PHACTR2: variants seen among roughly 807,000 people sequenced by gnomAD.
The protein encoded by PHACTR2 is chromosome 6 open reading frame 56.
A neutral mutation model predicts 76.0 loss-of-function variants in PHACTR2; 30 were observed. That is an observed-to-expected ratio of 0.39 (90% CI 0.30 to 0.54). PHACTR2 has a LOEUF of 0.54. Among genes scored for constraint, PHACTR2 ranks in the 20% least tolerant of loss-of-function variants. The pLI is 0.61. For missense variants in PHACTR2, 696 were observed against 781.1 expected, an observed-to-expected ratio of 0.89 and a Z score of 1.30; for synonymous variants, 292 against 292.5, an observed-to-expected ratio of 1.00 and a Z score of 0.02.
intron 1 of PHACTR2, among the ~76,000 whole-genome samples, chr6:143,644,133 A>G (rs1453010953): frequency 6.6e-6 from 1 of 152,214 alleles, no homozygotes; most frequent in Non-Finnish European, 1.5e-5. Context: ...AAGGCAAGCT[A>G]TTATATAATC....
In PHACTR2 at chr6:143,585,459, G is replaced by C. The variant is rs938828445; in HGVS notation, c.217+48252G>C. Among the ~76,000 whole-genome samples, 3 of 152,190 alleles carry C rather than the reference G, an allele frequency of 2.0e-5. No homozygotes were observed. The highest frequency in any genetic ancestry group is 7.2e-5 in the African/African-American group (3 of 41,444). On this transcript the variant is annotated intron_variant, in intron 1 of 11. Transcript: ENST00000367584. This position sits in a 1 kb window ranked among gnomAD's most constrained non-coding sequence, Gnocchi z 5.2. ...CAACACATTGGAACTAGGAAACCAG[G>C]TTTGCAGTTAACCTAGGGCTTCAGG...
rs1461434091 is a variant in PHACTR2 at position 143,554,199 on chromosome 6, G to C, written c.217+16992G>C. ...GGCTATGGTGTCTGCTTCTTCTCAG[G>C]AAGGGACAGTAACTAGCCAATTGAT... is the stretch of plus-strand genomic sequence containing the variant. On this transcript the variant is annotated intron_variant, in intron 1 of 11. Coordinates refer to the PHACTR2 transcript ENST00000367584. This position sits in a 1 kb window ranked among gnomAD's most constrained non-coding sequence, Gnocchi z 5.9. The C allele has an allele frequency of 3.3e-5, 5 of 152,174 alleles. No homozygotes were observed. The highest frequency in any genetic ancestry group is 1.2e-4 in the African/African-American group (5 of 41,434). The allele number at this position is 152,174 out of a possible 1,614,324, so 9.4% of individuals were successfully genotyped here. A position where few individuals can be genotyped will look rare whatever the true frequency, so the allele number is the denominator to read the frequency against.
Position 143,754,022 on chromosome 6 carries a change from G to A in PHACTR2, c.454+110G>A, listed in dbSNP as rs73587105. 479 of 568,264 alleles carry A rather than the reference G, an allele frequency of 8.4e-4. 2 individuals carry two copies. The African/African-American group carries it at 8.7e-3, about 10-fold the overall frequency. 35.2% of individuals were successfully genotyped at this position (568,264 alleles called of 1,614,324 possible). On this transcript the variant is annotated intron_variant, in intron 4 of 12. Transcript: ENST00000440869. This position sits in a 1 kb window ranked among gnomAD's most constrained non-coding sequence, Gnocchi z 6.2. Reference sequence around the variant, plus strand: ...TAAAACCAGCAGTCTGCAGAGGAGAGGTTTACAAATAGAAAAAAGAAAGAA... The same window carrying A: ...TAAAACCAGCAGTCTGCAGAGGAGAAGTTTACAAATAGAAAAAAGAAAGAA...
At chr6:143,763,121 G>A (rs1164726539) in intron 5 of PHACTR2, among the ~76,000 whole-genome samples, 1 of 152,152 alleles carries the variant, frequency 6.6e-6, no homozygotes, top group East Asian at 1.9e-4. Flanking sequence ...CACTTTGGGA[G>A]GCCGAGGCAG....
chr6:143,769,978 T>C (rs1429843941), intron 6 of PHACTR2, among the ~76,000 whole-genome samples: 1 of 152,206 alleles, frequency 6.6e-6, no homozygotes, highest in East Asian at 1.9e-4. Flanking sequence ...AGAATTACCA[T>C]GTGATCCAGC....
rs941335096 is a variant in PHACTR2 at position 143,695,381 on chromosome 6, T to C, written c.47-16635T>C. Among the ~76,000 whole-genome samples the C allele has an allele frequency of 1.3e-5, 2 of 152,244 alleles. No homozygotes were observed. Among genetic ancestry groups the C allele is most frequent in the African/African-American group, 4.8e-5 (2 of 41,468 alleles). Reference sequence around the variant, plus strand: ...AGGAAGGTTAAAAGTCATAGAATATTGGTGTTCTTCCAAGTTGAGAACAGA... The same window carrying C: ...AGGAAGGTTAAAAGTCATAGAATATCGGTGTTCTTCCAAGTTGAGAACAGA... On this transcript the variant is annotated intron_variant, in intron 1 of 12. Coordinates refer to ENST00000440869, the MANE Select transcript of PHACTR2 (RefSeq NM_001100164.2). The surrounding 1 kb of genome is among the most constrained non-coding windows in gnomAD (Gnocchi z 4.4).
rs911750637 is a variant in PHACTR2 at position 143,562,690 on chromosome 6, A to G, written c.217+25483A>G. On this transcript the variant is annotated intron_variant, in intron 1 of 11. Coordinates refer to the PHACTR2 transcript ENST00000367584. The surrounding 1 kb of genome is among the most constrained non-coding windows in gnomAD (Gnocchi z 5.1). ...TGCCACAGACTCTCATTGTGAAAGAAAAAAGCACATTAAAGAACATATCTA... is the reference window on the plus strand; with the variant it reads ...TGCCACAGACTCTCATTGTGAAAGAGAAAAGCACATTAAAGAACATATCTA... Among the ~76,000 whole-genome samples the G allele has an allele frequency of 7.9e-5, 12 of 152,224 alleles. No homozygotes were observed. The highest frequency in any genetic ancestry group is 2.7e-4 in the African/African-American group (11 of 41,456).
intron 1 of PHACTR2, among the ~76,000 whole-genome samples, chr6:143,626,233 G>C (rs1347182051): frequency 6.6e-6 from 1 of 151,986 alleles, no homozygotes; most frequent in Admixed American, 6.6e-5. Flanking sequence ...GGCCCAAATT[G>C]GTTTAAAATT....
chr6:143,667,277 G>A (rs568817969), intron 1 of PHACTR2, among the ~76,000 whole-genome samples: 1 of 152,304 alleles, frequency 6.6e-6, no homozygotes, highest in East Asian at 1.9e-4. Flanking sequence ...TTTGGTTACT[G>A]TAGCCTTGTA....
Position 143,789,937 on chromosome 6 carries a change from T to A in PHACTR2, c.1845+1027T>A, listed in dbSNP as rs1305808936. 6.6e-6 allele frequency among the ~76,000 whole-genome samples: 1 copy of A among 152,110 alleles called. No individual in the cohort carries two copies. Among genetic ancestry groups the A allele is most frequent in the Non-Finnish European group, 1.5e-5 (1 of 68,020 alleles). On this transcript the variant is annotated intron_variant, in intron 11 of 12. Coordinates refer to ENST00000440869, the MANE Select transcript of PHACTR2 (RefSeq NM_001100164.2). This position sits in a 1 kb window ranked among gnomAD's most constrained non-coding sequence, Gnocchi z 5.1. ...GAGGCTGAGAAAAGCACTCCAGGGATGTTTTAGGAAGAAGCAGCAGAAGAA... is the reference window on the plus strand; with the variant it reads ...GAGGCTGAGAAAAGCACTCCAGGGAAGTTTTAGGAAGAAGCAGCAGAAGAA...
At chr6:143,638,332 G>A (rs1173420286) in intron 1 of PHACTR2, among the ~76,000 whole-genome samples, 1 of 152,032 alleles carries the variant, frequency 6.6e-6, no homozygotes, top group Non-Finnish European at 1.5e-5. Context: ...TTTAGGCCAG[G>A]AGTTTGAAAC....
At chr6:143,582,014 C>T (rs1351722448) in intron 1 of PHACTR2, among the ~76,000 whole-genome samples, 9 of 152,052 alleles carry the variant, frequency 5.9e-5, no homozygotes, top group East Asian at 1.9e-4. Context: ...AAGGCTGTAC[C>T]GTCAATATGA....
Position 143,755,477 on chromosome 6 carries a change from AGTTCCTG to A in PHACTR2, c.454+1566_454+1572del. 1 of 394,772 alleles carries A rather than the reference AGTTCCTG, an allele frequency of 2.5e-6. No individual in the cohort carries two copies. The highest frequency in any genetic ancestry group is 5.0e-6 in the Non-Finnish European group (1 of 198,140). The allele number at this position is 394,772 out of a possible 1,614,324, so 24.5% of individuals were successfully genotyped here. A position where few individuals can be genotyped will look rare whatever the true frequency, so the allele number is the denominator to read the frequency against. On this transcript the variant is annotated intron_variant, in intron 4 of 12. Transcript: ENST00000440869. This position sits in a 1 kb window ranked among gnomAD's most constrained non-coding sequence, Gnocchi z 5.2. ...TGTTTCCCTTATCAACATAATAAAA[AGTTCCTG>A]ACAGTTTTATATGAATTAACCAACA... is the stretch of plus-strand genomic sequence containing the variant.
chr6:143,711,271 C>T (rs1049514237), intron 1 of PHACTR2, among the ~76,000 whole-genome samples: 1 of 152,184 alleles, frequency 6.6e-6, no homozygotes, highest in African/African-American at 2.4e-5. Context: ...TTCTGGCCTG[C>T]TTCCAGTTCT....
rs1211260360 is a variant in PHACTR2, at chr6:143,803,173, C to A, written c.1846-3884C>A. Among the ~76,000 whole-genome samples, 1 of 152,186 alleles carries A rather than the reference C, an allele frequency of 6.6e-6. No individual in the cohort carries two copies. The highest frequency in any genetic ancestry group is 2.1e-4 in the South Asian group (1 of 4,830). On this transcript the variant is annotated intron_variant, in intron 11 of 12. Transcript: ENST00000440869. The surrounding 1 kb of genome is among the most constrained non-coding windows in gnomAD (Gnocchi z 4.7). ...TCATCCTGTTTAGAGAAAGAAAGTG[C>A]ACCTCGCTGCCAGTGCTGATTTAAT...
At chr6:143,566,842 AC>A in intron 1 of PHACTR2, among the ~76,000 whole-genome samples, 1 of 151,700 alleles carries the variant, frequency 6.6e-6, no homozygotes, top group East Asian at 1.9e-4. Flanking sequence ...AAAAAAAAAA[AC>A]CCCACAATGC....
At position 143,619,331 on chromosome 6, in the gene PHACTR2, T is replaced by A. The variant is rs1291700184; in HGVS notation, c.13+11009T>A. Among the ~76,000 whole-genome samples the A allele has an allele frequency of 6.6e-6, 1 of 152,228 alleles. No homozygotes were observed. The highest frequency in any genetic ancestry group is 2.4e-5 in the African/African-American group (1 of 41,466). ...AGAAATGCTTCACAGATGATTCCTC[T>A]ACGCCCTGGTGAGACCCATTATCGG... is the stretch of plus-strand genomic sequence containing the variant. On this transcript the variant is annotated intron_variant, in intron 1 of 11. Transcript: ENST00000305766. This position sits in a 1 kb window ranked among gnomAD's most constrained non-coding sequence, Gnocchi z 4.5.
At position 143,586,079 on chromosome 6, in the gene PHACTR2, A is replaced by G. The variant is rs139089139; in HGVS notation, c.217+48872A>G. On this transcript the variant is annotated intron_variant, in intron 1 of 11. Coordinates refer to the PHACTR2 transcript ENST00000367584. Reference sequence around the variant, plus strand: ...TTTTTCTGGTGGTAATTAGCTAGGAAGTTCAGCTAATTACCACTCCTGGTC... The same window carrying G: ...TTTTTCTGGTGGTAATTAGCTAGGAGGTTCAGCTAATTACCACTCCTGGTC... Among the ~76,000 whole-genome samples the G allele has an allele frequency of 4.1e-3, 625 of 152,300 alleles. 8 individuals carry two copies. Among genetic ancestry groups the G allele is most frequent in the African/African-American group, 0.014 (593 of 41,558 alleles).
At position 143,597,346 on chromosome 6, in the gene PHACTR2, G is replaced by A. The variant is rs1775766131; in HGVS notation, c.217+60139G>A. On this transcript the variant is annotated intron_variant, in intron 1 of 11. Transcript: ENST00000367584. This position sits in a 1 kb window ranked among gnomAD's most constrained non-coding sequence, Gnocchi z 5.7. ...AGCAGTTGTACGGAAACATAATACT[G>A]GCTTCCAGGTGAGTAGTAAAGACCT... Among the ~76,000 whole-genome samples the A allele has an allele frequency of 6.6e-6, 1 of 152,132 alleles. No individual in the cohort carries two copies. Among genetic ancestry groups the A allele is most frequent in the South Asian group, 2.1e-4 (1 of 4,816 alleles).
Sources: allele counts gnomAD v4.1 joint callset (sites outside exome capture counted in the v4.1 genomes callset), GRCh38; gene constraint gnomAD v4.1.1; non-coding constraint Gnocchi (gnomAD v3.1); transcripts MANE v1.5; gene names NCBI Gene and HGNC (gene_info 2026-07-23, HGNC 2026-07-21).